TRAK1: variants seen among roughly 807,000 people sequenced by gnomAD.
TRAK1 encodes the protein trafficking kinesin protein 1, also known as trafficking kinesin-binding protein 1.
A neutral mutation model predicts 92.1 loss-of-function variants in TRAK1; 33 were observed. The ratio of observed to expected loss-of-function variants is 0.36; its 90% CI spans 0.27 to 0.48. The LOEUF (loss-of-function observed/expected upper bound fraction) is 0.48. TRAK1 is among the 20% of genes least tolerant of loss of function. The probability of loss-of-function intolerance (pLI) is 0.99; values close to 1 mark genes in which losing one functional copy is unlikely to be tolerated. For synonymous variants in TRAK1, 521 were observed against 517.3 expected (o/e 1.01, Z -0.10); for missense variants, 1,123 against 1,257.9 (o/e 0.89, Z 1.62).
chr3:42,063,536 A>G (rs1488912375), intron 1 of TRAK1, among the ~76,000 whole-genome samples: 1 of 151,944 alleles, frequency 6.6e-6, no homozygotes, highest in African/African-American at 2.4e-5. Context: ...AATTACAAAA[A>G]CTAGCCAGGC....
intron 1 of TRAK1, among the ~76,000 whole-genome samples, chr3:42,043,863 G>A (rs921315121): frequency 6.0e-5 from 9 of 149,446 alleles, no homozygotes; most frequent in South Asian, 2.2e-4. Flanking sequence ...CTTGACAGAC[G>A]GCCTTCTATA....
intron 9 of TRAK1, 26 bp from the exon 10 acceptor site, chr3:42,194,778 A>T (rs1483771238): frequency 6.2e-7 from 1 of 1,611,232 alleles, no homozygotes; most frequent in Admixed American, 1.7e-5. Flanking sequence ...GGAGATCCTG[A>T]CCCTCTGTGT....
At position 42,223,099 on chromosome 3, in the gene TRAK1, T is replaced by G. The variant is rs1464051859; in HGVS notation, c.2224T>G (p.Trp742Gly). Residue 742 changes from tryptophan (W) to glycine (G), a missense_variant, in exon 16 of 16, where the codon TGG becomes GGG. This residue lies in a region of TRAK1 where 401 missense variants were observed against 438.9 expected (regional missense o/e 0.91). Transcript: ENST00000327628. The surrounding 1 kb of genome is among the most constrained non-coding windows in gnomAD (Gnocchi z 6.1). Reference sequence around the variant, plus strand: ...CATGAGCACATCCCTGGGGCTCGTGTGGCTGTTGAAGGAGCGGGGCATTTC... The same window carrying G: ...CATGAGCACATCCCTGGGGCTCGTGGGGCTGTTGAAGGAGCGGGGCATTTC... ...TTMSTSLGLVWLLKERGISAA... is the reference protein window; with the variant it reads ...TTMSTSLGLVGLLKERGISAA... The G allele has an allele frequency of 1.2e-6, 2 of 1,614,088 alleles. No individual in the cohort carries two copies. Among genetic ancestry groups the G allele is most frequent in the Middle Eastern group, 1.6e-4 (1 of 6,062 alleles).
intron 1 of TRAK1, among the ~76,000 whole-genome samples, chr3:42,072,103 C>T (rs1020659238): frequency 2.0e-5 from 3 of 152,218 alleles, no homozygotes; most frequent in East Asian, 1.9e-4. Flanking sequence ...GTCAGGCTGG[C>T]GTCGTGCCCC....
chr3:42,210,081 G>A, intron 14 of TRAK1, 96 bp downstream of exon 14: 1 of 1,581,438 alleles, frequency 6.3e-7, no homozygotes, highest in Non-Finnish European at 8.5e-7. Flanking sequence ...GCCGCCAGCG[G>A]CCACGGAGGA....
intron 1 of TRAK1, among the ~76,000 whole-genome samples, chr3:42,119,695 A>G (rs1203669735): frequency 5.9e-5 from 9 of 152,316 alleles, no homozygotes; most frequent in Non-Finnish European, 2.9e-5. Flanking sequence ...AAAGGGCATG[A>G]CTTGGAAGTT....
At chr3:42,200,062 A>G (rs1216180773) in intron 11 of TRAK1, among the ~76,000 whole-genome samples, 2 of 152,138 alleles carry the variant, frequency 1.3e-5, no homozygotes, top group Admixed American at 6.5e-5. Context: ...ACCTGCCCCA[A>G]GGTGTTTGTA....
At chr3:42,222,915 T>G in intron 15 of TRAK1, 27 bp from the exon 16 acceptor site, 2 of 1,595,708 alleles carry the variant, frequency 1.3e-6, no homozygotes, top group South Asian at 1.1e-5. Flanking sequence ...GCATTTCTGG[T>G]GAATAACCTG....
At chr3:42,044,547 A>G (rs1202667299) in intron 1 of TRAK1, among the ~76,000 whole-genome samples, 1 of 152,180 alleles carries the variant, frequency 6.6e-6, no homozygotes, top group African/African-American at 2.4e-5. Context: ...CTTTCCTAGA[A>G]AGTAGAGTCA....
At chr3:42,121,823 TG>T (rs1223519602) in intron 1 of TRAK1, among the ~76,000 whole-genome samples, 3 of 151,908 alleles carry the variant, frequency 2.0e-5, no homozygotes, top group Non-Finnish European at 2.9e-5. Context: ...AATATACAGT[TG>T]TTTTTTTTTT....
rs535839904 is a variant in TRAK1 at position 42,026,816 on chromosome 3, C to T, written c.-519+12699C>T. ...CTGGGATTACAGGCGTGAGCCACTG[C>T]GCCTGGCCAGTGATCAACTTTTGTC... is the stretch of plus-strand genomic sequence containing the variant. On this transcript the variant is annotated intron_variant, in intron 1 of 16. Transcript: ENST00000487159. Among the ~76,000 whole-genome samples, 9 of 152,232 alleles carry T rather than the reference C, an allele frequency of 5.9e-5. No individual in the cohort carries two copies. The East Asian group carries it at 1.7e-3, about 29-fold the overall frequency.
At position 42,021,834 on chromosome 3, in the gene TRAK1, A is replaced by G. The variant is rs1701733242; in HGVS notation, c.-519+7717A>G. Among the ~76,000 whole-genome samples, 4 of 152,166 alleles carry G rather than the reference A, an allele frequency of 2.6e-5. No homozygotes were observed. The South Asian group carries it at 8.3e-4, about 32-fold the overall frequency. On this transcript the variant is annotated intron_variant, in intron 1 of 16. Coordinates refer to the TRAK1 transcript ENST00000487159. Reference sequence around the variant, plus strand: ...GTTATCCACCTGCCTCGGCCTCCCAAAGTGCTGGGATTCTATAGGTGTGAG... The same window carrying G: ...GTTATCCACCTGCCTCGGCCTCCCAGAGTGCTGGGATTCTATAGGTGTGAG...
chr3:42,169,601 G>A (rs774484624), intron 2 of TRAK1, among the ~76,000 whole-genome samples: 4 of 151,576 alleles, frequency 2.6e-5, no homozygotes, highest in Admixed American at 6.6e-5. Flanking sequence ...AACCTGGGAG[G>A]CAGAGGTTGC....
At chr3:42,134,149 T>C (rs1338442749) in intron 2 of TRAK1, among the ~76,000 whole-genome samples, 1 of 150,502 alleles carries the variant, frequency 6.6e-6, no homozygotes, top group Non-Finnish European at 1.5e-5. Flanking sequence ...GGGCCTTTCC[T>C]TCCTTCCTCC....
At position 42,199,122 on chromosome 3, in the gene TRAK1, G is replaced by C. The variant is rs1707167830; in HGVS notation, c.1114-55G>C. The C allele has an allele frequency of 3.7e-6, 6 of 1,601,730 alleles. No homozygotes were observed. In the South Asian group the frequency reaches 6.6e-5, roughly 18 times the overall value. ...CACCTGGGTGCATACCTCTTTTAGA[G>C]ACAGAGCATTTGAATTGGCGCTCAC... On this transcript the variant is annotated intron_variant, in intron 10 of 15. Transcript: ENST00000327628.
Position 42,149,291 on chromosome 3 carries a change from GCT to G in TRAK1, c.286+23682_286+23683del. On this transcript the variant is annotated intron_variant, in intron 2 of 15. Transcript: ENST00000327628. ...GGCAGTGCTGCCAGGGTCTCCGTTA[GCT>G]CTCTGCAAATTGCCTTCCTTTCTGC... The G allele has an allele frequency of 2.1e-6, 3 of 1,399,370 alleles. No homozygotes were observed. In the South Asian group the frequency reaches 4.6e-5, roughly 22 times the overall value. The allele number at this position is 1,399,370 out of a possible 1,614,324, so 86.7% of individuals were successfully genotyped here. A position where few individuals can be genotyped will look rare whatever the true frequency, so the allele number is the denominator to read the frequency against.
chr3:42,037,626 CAT>C (rs1702374030), intron 1 of TRAK1, among the ~76,000 whole-genome samples: 1 of 152,212 alleles, frequency 6.6e-6, no homozygotes, highest in Non-Finnish European at 1.5e-5. Flanking sequence ...AGATGACTAA[CAT>C]AAGAGCTTTG....
chr3:42,066,069 T>C (rs1414763539), intron 1 of TRAK1, among the ~76,000 whole-genome samples: 1 of 152,212 alleles, frequency 6.6e-6, no homozygotes, highest in East Asian at 1.9e-4. Context: ...CTCACGCCTG[T>C]GATCCCAGCA....
intron 1 of TRAK1, among the ~76,000 whole-genome samples, chr3:42,056,775 T>C (rs1216407423): frequency 1.3e-5 from 2 of 152,230 alleles, no homozygotes; most frequent in Non-Finnish European, 2.9e-5. Flanking sequence ...GATACAATAT[T>C]GAGTGCTTGT....
Sources: allele counts gnomAD v4.1 joint callset (sites outside exome capture counted in the v4.1 genomes callset), GRCh38; gene constraint gnomAD v4.1.1; regional missense constraint gnomAD v4.1.1; non-coding constraint Gnocchi (gnomAD v3.1); transcripts MANE v1.5; gene names NCBI Gene and HGNC (gene_info 2026-07-23, HGNC 2026-07-21).